Variants in NUP210L observed in about 807,000 individuals in gnomAD.
NUP210L encodes nuclear pore membrane glycoprotein 210-like.
Under a neutral mutation model 208.5 loss-of-function variants are expected in NUP210L, and 74 were observed. That is an observed-to-expected ratio of 0.35 (90% CI 0.29 to 0.43). The LOEUF is 0.43. Among genes scored for constraint, NUP210L ranks in the 20% least tolerant of loss-of-function variants. The pLI, the probability that NUP210L is intolerant of heterozygous loss-of-function variation, is 1.00. For missense variants in NUP210L, 1,843 were observed against 2,289.4 expected (o/e 0.81, Z 3.98); for synonymous variants, 780 against 816.9 (o/e 0.95, Z 0.77).
At chr1:153,993,450 C>T (rs1649603879) in intron 38 of NUP210L, among the ~76,000 whole-genome samples, 1 of 151,938 alleles carries the variant, frequency 6.6e-6, no homozygotes, top group Non-Finnish European at 1.5e-5. Flanking sequence ...CCTGTAGTCC[C>T]AGCTACTCAG....
At chr1:154,006,099 C>A (rs1287027400) in intron 35 of NUP210L, among the ~76,000 whole-genome samples, 2 of 151,884 alleles carry the variant, frequency 1.3e-5, no homozygotes, top group Admixed American at 1.3e-4. Context: ...CTCAGGTAAT[C>A]CACCTGCCTC....
chr1:154,116,688 A>AT (rs1343139201), intron 12 of NUP210L, among the ~76,000 whole-genome samples: 1 of 152,092 alleles, frequency 6.6e-6, no homozygotes, highest in Non-Finnish European at 1.5e-5. Flanking sequence ...TGATCATGCC[A>AT]TTGCCCTCCA....
At chr1:154,046,472 T>A in intron 25 of NUP210L, 103 bp from the exon 26 acceptor site, 1 of 964,256 alleles carries the variant, frequency 1.0e-6, no homozygotes, top group Non-Finnish European at 1.6e-6. Flanking sequence ...TAACATTCAG[T>A]AAAAAACCTT....
chr1:154,103,451 T>C (rs1427199359), intron 13 of NUP210L, among the ~76,000 whole-genome samples: 81 of 148,278 alleles, frequency 5.5e-4, no homozygotes, highest in Non-Finnish European at 1.1e-3. Flanking sequence ...GGCGGGCGGA[T>C]CACGAGCTCA....
At position 154,128,456 on chromosome 1, in the gene NUP210L, G is replaced by A. The variant is rs1427794185; in HGVS notation, c.1078+821C>T. Among the ~76,000 whole-genome samples the A allele has an allele frequency of 9.2e-5, 14 of 152,232 alleles. No individual in the cohort carries two copies. In the East Asian group the frequency reaches 2.7e-3, roughly 29 times the overall value. On this transcript the variant is annotated intron_variant, in intron 8 of 39. Coordinates refer to ENST00000368559, the Ensembl canonical transcript of NUP210L. ...GCTGTAGCCCATTGCATTCCAGCCT[G>A]GGCAACAGAGCCAGACACTGATTCA...
intron 12 of NUP210L, among the ~76,000 whole-genome samples, chr1:154,112,854 T>TG (rs1325605923): frequency 1.8e-5 from 2 of 109,164 alleles, no homozygotes; most frequent in Non-Finnish European, 3.6e-5. Flanking sequence ...AGACCCTGTC[T>TG]GGGGAAAAAA....
chr1:154,111,919 C>A (rs1343019902), intron 12 of NUP210L, among the ~76,000 whole-genome samples: 1 of 150,558 alleles, frequency 6.6e-6, no homozygotes, highest in East Asian at 1.9e-4. Context: ...TTCAACAACA[C>A]TTTTTTTTTG....
At chr1:154,035,031 G>A (rs746592473) in intron 27 of NUP210L, among the ~76,000 whole-genome samples, 17 of 151,736 alleles carry the variant, frequency 1.1e-4, no homozygotes, top group Non-Finnish European at 1.9e-4. Context: ...TAGTAGAGAC[G>A]GGGTTTCACC....
chr1:153,995,240 CATTTTTTAAATTTA>C, intron 37 of NUP210L, 60 bp from the exon 38 acceptor site: 1 of 1,224,280 alleles, frequency 8.2e-7, no homozygotes, highest in South Asian at 1.3e-5. Flanking sequence ...GCAGATGCTG[CATTTTTTAAATTTA>C]ATTTTTTTTG....
At chr1:154,060,324 A>C (rs184178150) in intron 20 of NUP210L, among the ~76,000 whole-genome samples, 35 of 152,336 alleles carry the variant, frequency 2.3e-4, no homozygotes, top group African/African-American at 8.4e-4. Flanking sequence ...AACTTCTTTT[A>C]ACGGAAATCT....
At chr1:154,140,916 C>G (rs1229033089) in intron 4 of NUP210L, among the ~76,000 whole-genome samples, 1 of 150,652 alleles carries the variant, frequency 6.6e-6, no homozygotes, top group Admixed American at 6.6e-5. Flanking sequence ...ATGGCGTGAA[C>G]CCGGGAGGCA....
intron 6 of NUP210L, 68 bp downstream of exon 6, chr1:154,138,038 T>C (rs904834513): frequency 8.9e-7 from 1 of 1,127,602 alleles, no homozygotes; most frequent in African/African-American, 1.6e-5. Context: ...TAATGTGGAG[T>C]TGCTGATCTT....
At chr1:153,996,779 C>G (rs1335980152) in intron 37 of NUP210L, among the ~76,000 whole-genome samples, 7 of 151,474 alleles carry the variant, frequency 4.6e-5, no homozygotes, top group Non-Finnish European at 1.0e-4. Context: ...TTGTCCTACT[C>G]AGGATGTCAT....
intron 12 of NUP210L, 147 bp from the exon 13 acceptor site, chr1:154,104,357 C>T: frequency 3.0e-6 from 2 of 655,988 alleles, no homozygotes; most frequent in South Asian, 3.7e-5. Flanking sequence ...CAAGAAGTCA[C>T]CTTCATAAGA....
intron 30 of NUP210L, among the ~76,000 whole-genome samples, chr1:154,023,847 G>A (rs1342656753): frequency 1.3e-5 from 2 of 150,510 alleles, no homozygotes; most frequent in Non-Finnish European, 2.9e-5. Flanking sequence ...GGAGTGCAGT[G>A]GTGCAATCTC....
At position 154,154,860 on chromosome 1, in the gene NUP210L, T is replaced by C. The variant is rs1659618848; in HGVS notation, c.185A>G (p.Gln62Arg). Residue 62 changes from glutamine to arginine, a missense_variant, in exon 1 of 40, where the codon CAG becomes CGG. By Grantham distance (43) the Gln-to-Arg change is conservative. This residue lies in a region of NUP210L where 542 missense variants were observed against 606.4 expected (regional missense o/e 0.89). Coordinates refer to ENST00000368559, the Ensembl canonical transcript of NUP210L. ...CCCTCACCAAGTGTAGCAGCCCCGC[T>C]GGGCCTCCAGCAGGAAAGGCACCCG... 3.7e-6 allele frequency: 6 copies of C among 1,614,028 alleles called. No homozygotes were observed. In the East Asian group the frequency reaches 1.3e-4, roughly 36 times the overall value.
At chr1:154,004,271 A>G (rs979535643) in intron 35 of NUP210L, among the ~76,000 whole-genome samples, 2 of 151,552 alleles carry the variant, frequency 1.3e-5, no homozygotes, top group African/African-American at 4.9e-5. Context: ...GGGTTTCACC[A>G]TGTTAGCCAA....
chr1:154,024,422 C>T (rs961761912), intron 30 of NUP210L, among the ~76,000 whole-genome samples: 2 of 152,054 alleles, frequency 1.3e-5, no homozygotes, highest in African/African-American at 4.8e-5. Flanking sequence ...CATACAATGA[C>T]GAACATAGTA....
intron 5 of NUP210L, 111 bp from the exon 6 acceptor site, chr1:154,138,349 TA>T: frequency 1.0e-6 from 1 of 977,940 alleles, no homozygotes; most frequent in Non-Finnish European, 1.4e-6. Context: ...AAATTTTTTA[TA>T]AAGATTTTTT....
Sources: gnomAD v4.1 joint callset for allele counts (sites outside exome capture counted in the v4.1 genomes callset) on GRCh38, gnomAD v4.1.1 for gene constraint, gnomAD v4.1.1 regional missense constraint, MANE v1.5 for transcripts, NCBI Gene and HGNC (gene_info 2026-07-23, HGNC 2026-07-21) for gene names.